Variants in DIAPH3 observed in about 807,000 individuals in gnomAD.
DIAPH3 encodes diaphanous related formin 3.
Under a neutral mutation model 144.3 loss-of-function variants are expected in DIAPH3, and 117 were observed. The observed-to-expected ratio is 0.81, with a 90% CI of 0.70 to 0.95. DIAPH3 has a LOEUF of 0.95. DIAPH3 is among the 40% of genes least tolerant of loss of function. The pLI is 0.00. For missense variants in DIAPH3, 1,421 were observed against 1,412.7 expected, an observed-to-expected ratio of 1.01 and a Z score of -0.09; for synonymous variants, 519 against 488.9, an observed-to-expected ratio of 1.06 and a Z score of -0.81.
chr13:60,111,796 C>G (rs1202616200), intron 3 of DIAPH3, among the ~76,000 whole-genome samples: 3 of 152,170 alleles, frequency 2.0e-5, no homozygotes, highest in African/African-American at 7.2e-5. Context: ...TTTGTTTTCA[C>G]ATACTCTTTA....
chr13:59,913,423 A>G (rs1422772294), intron 19 of DIAPH3, among the ~76,000 whole-genome samples: 1 of 151,990 alleles, frequency 6.6e-6, no homozygotes, highest in Non-Finnish European at 1.5e-5. Context: ...ATTACTGCCA[A>G]AACAATTGCC....
intron 17 of DIAPH3, 92 bp from the exon 18 acceptor site, chr13:59,924,962 A>G: frequency 6.7e-7 from 1 of 1,497,200 alleles, no homozygotes; most frequent in Non-Finnish European, 9.0e-7. Context: ...AATAAGCTAA[A>G]AAGGATGTAA....
At chr13:59,939,835 C>CGTGTGT (rs3220859) in intron 17 of DIAPH3, among the ~76,000 whole-genome samples, 3,224 of 146,734 alleles carry the variant, frequency 0.022, 46 homozygotes, top group Middle Eastern at 0.034. Context: ...GAGAATGAGG[C>CGTGTGT]GTGTGTGTGT....
At chr13:59,693,229 A>G (rs961851581) in intron 27 of DIAPH3, among the ~76,000 whole-genome samples, 2 of 152,150 alleles carry the variant, frequency 1.3e-5, no homozygotes, top group Admixed American at 1.3e-4. Flanking sequence ...CTGGACTGAG[A>G]CGGAAGAGGT....
intron 21 of DIAPH3, among the ~76,000 whole-genome samples, chr13:59,871,363 C>A (rs571536771): frequency 6.6e-6 from 1 of 152,264 alleles, no homozygotes; most frequent in South Asian, 2.1e-4. Flanking sequence ...GACACACCTG[C>A]ATTGCTTCCA....
chr13:59,762,124 T>A (rs1185095920), intron 27 of DIAPH3, among the ~76,000 whole-genome samples: 1 of 140,058 alleles, frequency 7.1e-6, no homozygotes, highest in Admixed American at 7.8e-5. Flanking sequence ...AGTGGCGCGA[T>A]CTCAACTCAC....
intron 20 of DIAPH3, 89 bp from the exon 21 acceptor site, chr13:59,879,557 G>A: frequency 6.4e-7 from 1 of 1,556,488 alleles, no homozygotes; most frequent in South Asian, 1.1e-5. Context: ...ATGATTTATT[G>A]GTATGACAGT....
intron 4 of DIAPH3, among the ~76,000 whole-genome samples, chr13:60,082,228 G>A (rs542121709): frequency 6.0e-5 from 9 of 151,050 alleles, no homozygotes; most frequent in Non-Finnish European, 1.0e-4. Flanking sequence ...ATAAGAGAAT[G>A]CAGACATGAA....
chr13:59,797,620 C>A (rs1037357963), intron 25 of DIAPH3, among the ~76,000 whole-genome samples: 1 of 152,144 alleles, frequency 6.6e-6, no homozygotes, highest in South Asian at 2.1e-4. Flanking sequence ...TAAACGAATG[C>A]AGACTTCAAT....
intron 5 of DIAPH3, among the ~76,000 whole-genome samples, chr13:60,029,731 G>A (rs2054648205): frequency 6.6e-6 from 1 of 152,038 alleles, no homozygotes; most frequent in Non-Finnish European, 1.5e-5. Flanking sequence ...TAAATTACCC[G>A]GTCTCAGGCA....
At position 59,933,252 on chromosome 13, in the gene DIAPH3, T is replaced by A. The variant is rs569874855; in HGVS notation, c.2075-8382A>T. ...TGACAACAGGTTCTACATCCCAGCC[T>A]GCCACATGCTAGTAGCTAAACCTCA... On this transcript the variant is annotated intron_variant, in intron 17 of 27. Transcript: ENST00000400324. 1.7e-3 allele frequency among the ~76,000 whole-genome samples: 257 copies of A among 152,342 alleles called. 1 individual carries two copies. The highest frequency in any genetic ancestry group is 6.0e-3 in the African/African-American group (251 of 41,586).
intron 27 of DIAPH3, among the ~76,000 whole-genome samples, chr13:59,717,504 C>T (rs1352688265): frequency 1.3e-5 from 2 of 152,156 alleles, no homozygotes. Flanking sequence ...CCAACCAAGG[C>T]CAGTGTGTAC....
At chr13:59,687,872 A>C (rs2033299338) in intron 27 of DIAPH3, among the ~76,000 whole-genome samples, 1 of 152,092 alleles carries the variant, frequency 6.6e-6, no homozygotes. Context: ...TTAACAACTA[A>C]AACTTTAATA....
intron 22 of DIAPH3, among the ~76,000 whole-genome samples, chr13:59,845,381 T>G (rs1427820564): frequency 6.6e-6 from 1 of 152,110 alleles, no homozygotes; most frequent in Non-Finnish European, 1.5e-5. Flanking sequence ...CCTTTTGTCT[T>G]CTCTGATCTC....
At chr13:60,063,898 C>T (rs984411284) in intron 4 of DIAPH3, among the ~76,000 whole-genome samples, 9 of 151,982 alleles carry the variant, frequency 5.9e-5, no homozygotes, top group African/African-American at 1.9e-4. Context: ...CATTGCACTC[C>T]AGCCTGAGCA....
intron 25 of DIAPH3, among the ~76,000 whole-genome samples, chr13:59,803,837 C>A (rs1434845045): frequency 6.6e-6 from 1 of 152,162 alleles, no homozygotes; most frequent in Non-Finnish European, 1.5e-5. Context: ...GACAGAGAGA[C>A]TCTTGGAAAA....
chr13:59,853,450 TAGTG>T (rs760349435), intron 22 of DIAPH3, among the ~76,000 whole-genome samples: 13 of 152,132 alleles, frequency 8.5e-5, no homozygotes, highest in South Asian at 8.3e-4. Context: ...GTTCTCATGA[TAGTG>T]AGTGAGTTTT....
chr13:59,833,236 T>A lies in DIAPH3; in HGVS notation c.2898A>T (p.Thr966=), dbSNP rs1271160825. ...FVISAKEQYE[T]LSKLHENMEK... ...CCATGTTTTCGTGTAACTTCGAAAG[T>A]GTCTCATATTGTTCTTTTGCACTGA... Residue 966 remains threonine (T), a synonymous_variant, in exon 24 of 28, where the codon ACA becomes ACT. Coordinates refer to ENST00000400324, the MANE Select transcript of DIAPH3 (RefSeq NM_001042517.2). 1.9e-6 allele frequency: 3 copies of A among 1,609,286 alleles called. No individual in the cohort carries two copies. The highest frequency in any genetic ancestry group is 2.5e-6 in the Non-Finnish European group (3 of 1,177,152).
chr13:60,011,410 C>T (rs1166649519), intron 7 of DIAPH3, among the ~76,000 whole-genome samples: 1 of 152,050 alleles, frequency 6.6e-6, no homozygotes, highest in African/African-American at 2.4e-5. Context: ...CAACACTGTC[C>T]AAGAGAAATA....
Sources: gnomAD v4.1 joint callset for allele counts (sites outside exome capture counted in the v4.1 genomes callset) on GRCh38, gnomAD v4.1.1 for gene constraint, MANE v1.5 for transcripts, NCBI Gene and HGNC (gene_info 2026-07-23, HGNC 2026-07-21) for gene names.